MIB2: variants seen among roughly 807,000 people sequenced by gnomAD.
MIB2 encodes the protein MIB E3 ubiquitin protein ligase 2, also known as E3 ubiquitin-protein ligase MIB2.
In MIB2, 78 loss-of-function variants were observed where a neutral mutation model predicts 96.6. The ratio of observed to expected loss-of-function variants is 0.81; its 90% confidence interval spans 0.67 to 0.97. The LOEUF (loss-of-function observed/expected upper bound fraction) is 0.97, where lower values mean the gene tolerates loss of function less well. Among genes scored for constraint, MIB2 ranks in the 50% least tolerant of loss-of-function variants. The pLI is 0.00. For synonymous variants in MIB2, 820 were observed against 629.5 expected, an observed-to-expected ratio of 1.30 and a Z score of -4.53; for missense variants, 1,543 against 1,424.0, an observed-to-expected ratio of 1.08 and a Z score of -1.35.
rs1347214815 is a variant in MIB2 at position 1,616,492 on chromosome 1, C to G, written c.-129-16C>G. On this transcript the variant is annotated splice_polypyrimidine_tract_variant and intron_variant, in intron 1 of 19. Transcript: ENST00000355826. ...AGGTGCTAACTGTGCATCTTGGCAT[C>G]TCCCCTCGGCCACAGGGTTGGAAGC... 1 of 1,540,940 alleles carries G rather than the reference C, an allele frequency of 6.5e-7. No homozygotes were observed.
At chr1:1,615,729 C>T (rs1643553236) in intron 1 of MIB2, 96 bp downstream of exon 1, 2 of 1,488,316 alleles carry the variant, frequency 1.3e-6, no homozygotes, top group Non-Finnish European at 1.8e-6. Flanking sequence ...GGTTCCCGCT[C>T]CCGCTGGCCC....
chr1:1,621,056 C>T (rs1644217697), intron 2 of MIB2, among the ~76,000 whole-genome samples: 2 of 152,258 alleles, frequency 1.3e-5, no homozygotes, highest in African/African-American at 4.8e-5. Context: ...GCCGCTGTCA[C>T]AGAAGCCTGG....
At chr1:1,623,979 G>C (rs369299551) in intron 4 of MIB2, 34 bp downstream of exon 4, 40 of 1,578,198 alleles carry the variant, frequency 2.5e-5, no homozygotes, top group Non-Finnish European at 3.4e-5. Flanking sequence ...CCTGTGCGGC[G>C]GGTACCCAGG....
chr1:1,627,230 C>T (rs748247059), intron 11 of MIB2, 23 bp downstream of exon 11: 1 of 1,611,606 alleles, frequency 6.2e-7, no homozygotes, highest in South Asian at 1.1e-5. Context: ...CCCCGTCCTC[C>T]CATACTGGCC....
chr1:1,623,303 G>T (rs1489604866), intron 2 of MIB2, 128 bp from the exon 3 acceptor site: 16 of 1,425,760 alleles, frequency 1.1e-5, no homozygotes, highest in Non-Finnish European at 8.3e-6. Context: ...CAGCCTGCCT[G>T]CCCCGTTGGG....
At chr1:1,623,160 C>T (rs1265728744) in intron 2 of MIB2, 2 of 532,462 alleles carry the variant, frequency 3.8e-6, no homozygotes, top group African/African-American at 2.0e-5. Flanking sequence ...CATGAAGCCC[C>T]CGGGGCCAGG....
upstream of MIB2, chr1:1,615,406 G>A (rs1643493376): frequency 1.9e-5 from 27 of 1,457,970 alleles, no homozygotes; most frequent in Non-Finnish European, 2.3e-5. Flanking sequence ...AGACGCTCCC[G>A]CGTGACGCAC....
At chr1:1,616,030 C>T (rs1423689599) in intron 1 of MIB2, 2 of 984,528 alleles carry the variant, frequency 2.0e-6, no homozygotes, top group African/African-American at 3.5e-5. Context: ...GACAGACGGA[C>T]TGGCCGGCGG....
rs1422029010 is a variant in MIB2 at position 1,627,078 on chromosome 1, A to G, written c.1245A>G (p.Ser415=). The change falls in exon 11 of 20, where the codon TCA becomes TCG. Residue 415 remains serine, a synonymous_variant. Transcript: ENST00000355826. ...TAACCTCAGCCCTGCCCCCAGGCTC[A>G]CTGAGCGTGGCCCTGGACAAGCTTC... ...VAERARENKS[S]LSVALDKLRA... is the part of the protein sequence containing the mutation. 2 of 1,600,416 alleles carry G rather than the reference A, an allele frequency of 1.2e-6. No homozygotes were observed. The highest frequency in any genetic ancestry group is 1.7e-6 in the Non-Finnish European group (2 of 1,173,940).
intron 2 of MIB2, 67 bp from the exon 3 acceptor site, chr1:1,623,364 G>T: frequency 1.9e-6 from 3 of 1,577,238 alleles, no homozygotes; most frequent in Non-Finnish European, 2.6e-6. Flanking sequence ...TCCCATGGTG[G>T]CCTGAGAATA....
rs1644464339 is a variant in MIB2 at position 1,623,663 on chromosome 1, G to A, written c.211G>A (p.Ala71Thr). The A allele has an allele frequency of 6.1e-6, 9 of 1,483,008 alleles. No homozygotes were observed. Among genetic ancestry groups the A allele is most frequent in the Middle Eastern group, 1.8e-4 (1 of 5,602 alleles). The allele number at this position is 1,483,008 out of a possible 1,614,324, so 91.9% of individuals were successfully genotyped here. A position where few individuals can be genotyped will look rare whatever the true frequency, so the allele number is the denominator to read the frequency against. Residue 71 changes from alanine (A) to threonine (T), a missense_variant, in exon 3 of 20, where the codon GCG (alanine) becomes ACG (threonine). Physicochemically the swap from Ala to Thr is moderately conservative, Grantham distance 58. Coordinates refer to ENST00000355826, the MANE Select transcript of MIB2 (RefSeq NM_001170687.4). The part of the protein sequence containing the change: ...RTNYRAGYQG[A>T]HDLLLYDNAQ... Reference sequence around the variant, plus strand: ...CAACTACCGCGCCGGCTACCAGGGCGCGCACGACCTGCTGCTGTACGACAA... The same window carrying A: ...CAACTACCGCGCCGGCTACCAGGGCACGCACGACCTGCTGCTGTACGACAA...
Position 1,625,972 on chromosome 1 carries a change from GT to G in MIB2, c.972+321del. 1 of 430,028 alleles carries G rather than the reference GT, an allele frequency of 2.3e-6. No homozygotes were observed. The highest frequency in any genetic ancestry group is 4.3e-6 in the Non-Finnish European group (1 of 234,352). 26.6% of individuals were successfully genotyped at this position (430,028 alleles called of 1,614,324 possible). ...AGGCGGCTGGGCTAAGATGCTCCTG[GT>G]TAGTGCTGTATGGGGGCCGATGGGG... On this transcript the variant is annotated intron_variant, in intron 8 of 19. Coordinates refer to ENST00000355826, the MANE Select transcript of MIB2 (RefSeq NM_001170687.4). This position sits in a 1 kb window ranked among gnomAD's most constrained non-coding sequence, Gnocchi z 5.0.
At position 1,630,321 on chromosome 1, in the gene MIB2, GC is replaced by G; in HGVS notation, c.2664del (p.Gly889AlafsTer87). 2.2e-6 allele frequency: 3 copies of G among 1,369,568 alleles called. No individual in the cohort carries two copies. The highest frequency in any genetic ancestry group is 1.9e-6 in the Non-Finnish European group (2 of 1,053,780). The allele number at this position is 1,369,568 out of a possible 1,614,324, so 84.8% of individuals were successfully genotyped here. On this transcript the variant is annotated frameshift_variant, in exon 20 of 20. Coordinates refer to ENST00000355826, the MANE Select transcript of MIB2 (RefSeq NM_001170687.4). LOFTEE classifies it high-confidence loss of function. ...DGSEVASAAP[A>X]PGPPRQLVEE... ...CTCTGAGGTGGCGAGCGCCGCCCCC[GC>G]CCCCGGCCCGCCGCGCCAGCTGGTG...
Position 1,615,606 on chromosome 1 carries a change from G to A in MIB2, c.-157G>A. 1.3e-6 allele frequency: 2 copies of A among 1,568,702 alleles called. No homozygotes were observed. The highest frequency in any genetic ancestry group is 8.6e-7 in the Non-Finnish European group (1 of 1,161,682). ...CCCGAGTCGCTCCTAGGTCACTGGC[G>A]CGATGCGGGCCGTCCTCTCGGCTGA... On this transcript the variant is annotated 5_prime_UTR_variant, in exon 1 of 20. Coordinates refer to ENST00000355826, the MANE Select transcript of MIB2 (RefSeq NM_001170687.4).
At position 1,630,292 on chromosome 1, in the gene MIB2, A is replaced by G; in HGVS notation, c.2630A>G (p.Asp877Gly). 7.3e-7 allele frequency: 1 copy of G among 1,370,286 alleles called. No individual in the cohort carries two copies. The highest frequency in any genetic ancestry group is 9.5e-7 in the Non-Finnish European group (1 of 1,050,050). The allele number at this position is 1,370,286 out of a possible 1,614,324, so 84.9% of individuals were successfully genotyped here. Residue 877 changes from aspartate to glycine, a missense_variant and splice_region_variant, in exon 20 of 20, where the codon GAC becomes GGC. By Grantham distance (94) the Asp-to-Gly change is moderately conservative. Coordinates refer to ENST00000355826, the MANE Select transcript of MIB2 (RefSeq NM_001170687.4). ...CTCACACCCGTCCCCCACCCCGCAG[A>G]CGGCTCTGAGGTGGCGAGCGCCGCC... is the stretch of plus-strand genomic sequence containing the variant. ...QVVVSKKLRP[D>G]GSEVASAAPA...
intron 2 of MIB2, chr1:1,617,238 G>C (rs1354267617): frequency 2.0e-5 from 3 of 152,540 alleles, no homozygotes; most frequent in Admixed American, 2.0e-4. Context: ...CACAGCTGGA[G>C]GTGCAAGGAG....
At chr1:1,624,511 G>A (rs575133461) in intron 4 of MIB2, among the ~76,000 whole-genome samples, 18 of 152,322 alleles carry the variant, frequency 1.2e-4, no homozygotes, top group African/African-American at 2.9e-4. Flanking sequence ...AGGTCTTGCC[G>A]AGGGTGGGCC....
rs1432954409 is a variant in MIB2, at chr1:1,628,798, C to T, written c.2202+76C>T. On this transcript the variant is annotated intron_variant, in intron 16 of 19. Transcript: ENST00000355826. The stretch of plus-strand genomic sequence containing the variant: ...CAGGCTCTGGGCAGGGCCTGTGCCA[C>T]TGTCCACCTTCCCCTCCAGTGATGG... 3.2e-6 allele frequency: 4 copies of T among 1,252,400 alleles called. No individual in the cohort carries two copies. In the East Asian group the frequency reaches 1.0e-4, roughly 32 times the overall value. 77.6% of individuals were successfully genotyped at this position (1,252,400 alleles called of 1,614,324 possible).
chr1:1,628,905 C>T, intron 16 of MIB2, 183 bp downstream of exon 16: 2 of 726,860 alleles, frequency 2.8e-6, no homozygotes, highest in East Asian at 2.8e-5. Flanking sequence ...CCTAGGCAGC[C>T]TGGGAAAGGG....
Sources: gnomAD v4.1 joint callset for allele counts (sites outside exome capture counted in the v4.1 genomes callset) on GRCh38, gnomAD v4.1.1 for gene constraint, Gnocchi (gnomAD v3.1) non-coding constraint, MANE v1.5 for transcripts, NCBI Gene and HGNC (gene_info 2026-07-23, HGNC 2026-07-21) for gene names.